The following REPS2 variants were observed in gnomAD, a reference collection of about 807,000 sequenced individuals.
The protein encoded by REPS2 is ralBP1-associated Eps domain-containing protein 2.
Under a neutral mutation model 53.6 loss-of-function variants are expected in REPS2, and 23 were observed. That is an observed-to-expected ratio of 0.43 (90% CI 0.31 to 0.61). REPS2 has a LOEUF of 0.61. Ranked by LOEUF, REPS2 falls within the 20% of genes least tolerant of loss-of-function variation. REPS2 has a pLI of 0.11. For synonymous variants in REPS2, 238 were observed against 218.6 expected (o/e 1.09, Z -0.78); for missense variants, 446 against 534.9 (o/e 0.83, Z 1.64).
At chrX:16,974,516 G>A (rs192988020) in intron 1 of REPS2, among the ~76,000 whole-genome samples, 9 of 110,195 alleles carry the variant, frequency 8.2e-5, no homozygotes, top group Non-Finnish European at 1.7e-4. Context: ...ATTAGCCATG[G>A]CACCTATAAT....
the REPS2 span, among the ~76,000 whole-genome samples, chrX:17,170,674 G>C: frequency 8.9e-6 from 1 of 112,208 alleles, no homozygotes; most frequent in South Asian, 3.7e-4. Context: ...CTTTGTGAGT[G>C]GACACAGGCC....
chrX:17,089,476 C>T (rs1470412081), intron 13 of REPS2, among the ~76,000 whole-genome samples: 2 of 111,651 alleles, frequency 1.8e-5, no homozygotes, highest in Non-Finnish European at 3.8e-5. Flanking sequence ...CAACTTTCAC[C>T]ATAATCCAGT....
At chrX:17,077,162 A>G (rs1193985150) in intron 12 of REPS2, 109 bp from the exon 13 acceptor site, 71 of 838,884 alleles carry the variant, frequency 8.5e-5, no homozygotes, top group Non-Finnish European at 1.2e-4. Flanking sequence ...TTGGTAGCTC[A>G]TCGGTTCTTT....
the REPS2 span, among the ~76,000 whole-genome samples, chrX:17,164,825 A>C: frequency 8.9e-6 from 1 of 112,243 alleles, no homozygotes; most frequent in South Asian, 3.7e-4. Flanking sequence ...AATGAAATAG[A>C]AAATATAAAA....
rs2063529894 is a variant in REPS2 at position 17,147,596 on chromosome X, G to A, written c.*115G>A. The A allele has an allele frequency of 3.8e-6, 2 of 532,072 alleles. No individual in the cohort carries two copies. Among genetic ancestry groups the A allele is most frequent in the Non-Finnish European group, 6.1e-6 (2 of 327,399 alleles). The allele number at this position is 532,072 out of a possible 1,213,427, so 43.8% of individuals were successfully genotyped here. A position where few individuals can be genotyped will look rare whatever the true frequency, so the allele number is the denominator to read the frequency against. ...TTGACTGTGTCAAAAGCTGTGAGCAGCAAAATATAATCCATATGACCTTTT... is the reference window on the plus strand; with the variant it reads ...TTGACTGTGTCAAAAGCTGTGAGCAACAAAATATAATCCATATGACCTTTT... On this transcript the variant is annotated 3_prime_UTR_variant, in exon 18 of 18. Coordinates refer to ENST00000357277, the MANE Select transcript of REPS2 (RefSeq NM_004726.3).
In REPS2 at chrX:17,068,382, T is replaced by G; in HGVS notation, c.1210-20T>G. On this transcript the variant is annotated intron_variant, in intron 9 of 17. Coordinates refer to ENST00000357277, the MANE Select transcript of REPS2 (RefSeq NM_004726.3). The stretch of plus-strand genomic sequence containing the variant: ...TTTCTGTTCCAACCAGTTTAATTCA[T>G]TTACTTTTCTTTTTCAAAGAAGACA... 8.6e-7 allele frequency: 1 copy of G among 1,167,002 alleles called. No homozygotes were observed. Among genetic ancestry groups the G allele is most frequent in the Non-Finnish European group, 1.2e-6 (1 of 858,451 alleles).
chrX:17,171,836 A>G, the REPS2 span, among the ~76,000 whole-genome samples: 1 of 111,445 alleles, frequency 9.0e-6, no homozygotes, highest in Non-Finnish European at 1.9e-5. Flanking sequence ...CATAATTATA[A>G]TTCTTATGTT....
chrX:16,964,729 G>T (rs1476087507), intron 1 of REPS2, among the ~76,000 whole-genome samples: 1 of 101,478 alleles, frequency 9.9e-6, no homozygotes, highest in African/African-American at 3.6e-5. Context: ...TCCCAGTAGG[G>T]GCGGCCGGGC....
chrX:17,159,800 C>T, the REPS2 span, among the ~76,000 whole-genome samples: 10 of 111,635 alleles, frequency 9.0e-5, no homozygotes, highest in African/African-American at 3.3e-4. Flanking sequence ...CACCACCAGC[C>T]CACTCTTGAT....
chrX:17,151,088 G>C lies in REPS2; in HGVS notation c.*3607G>C. 8.9e-6 allele frequency: 1 copy of C among 112,261 alleles called. No homozygotes were observed. Among genetic ancestry groups the C allele is most frequent in the Non-Finnish European group, 1.9e-5 (1 of 53,204 alleles). 9.3% of individuals were successfully genotyped at this position (112,261 alleles called of 1,213,427 possible). A position where few individuals can be genotyped will look rare whatever the true frequency, so the allele number is the denominator to read the frequency against. On this transcript the variant is annotated 3_prime_UTR_variant, in exon 18 of 18. Transcript: ENST00000357277. ...TTTCTTGGCAGAGTTTTTGACAGCT[G>C]TTGCTTTCAATGGATTCCATTCCTG...
At chrX:17,175,211 C>T in the REPS2 span, among the ~76,000 whole-genome samples, 2 of 111,925 alleles carry the variant, frequency 1.8e-5, no homozygotes, top group Non-Finnish European at 3.8e-5. Flanking sequence ...ATGGGGGAAA[C>T]GGTGGTGTAG....
chrX:17,131,781 T>C (rs1603102367), intron 14 of REPS2, among the ~76,000 whole-genome samples: 1 of 111,092 alleles, frequency 9.0e-6, no homozygotes, highest in African/African-American at 3.3e-5. Flanking sequence ...TTTGGGGACA[T>C]TCCTTGCCAA....
At position 17,082,835 on chromosome X, in the gene REPS2, C is replaced by T. The variant is rs190295043; in HGVS notation, c.1516+5428C>T. 2.7e-5 allele frequency among the ~76,000 whole-genome samples: 3 copies of T among 112,236 alleles called. No homozygotes were observed. The Admixed American group carries it at 2.8e-4, about 11-fold the overall frequency. On this transcript the variant is annotated intron_variant, in intron 13 of 17. Coordinates refer to ENST00000357277, the MANE Select transcript of REPS2 (RefSeq NM_004726.3). ...AGGACAGGACTGGGAAACAAGCTTA[C>T]TTTCTGTTGAATGCCTATTTGTATC...
intron 14 of REPS2, among the ~76,000 whole-genome samples, chrX:17,132,402 A>G (rs1418522458): frequency 8.9e-6 from 1 of 112,388 alleles, no homozygotes; most frequent in Non-Finnish European, 1.9e-5. Flanking sequence ...TCTCCACACC[A>G]CAAGGCCTTT....
At chrX:17,089,713 AT>A (rs887172813) in intron 13 of REPS2, among the ~76,000 whole-genome samples, 2 of 112,364 alleles carry the variant, frequency 1.8e-5, no homozygotes, top group African/African-American at 6.5e-5. Context: ...TCAGTACTTA[AT>A]TCCTTTTTAT....
chrX:17,158,826 G>A, the REPS2 span, among the ~76,000 whole-genome samples: 4 of 111,894 alleles, frequency 3.6e-5, no homozygotes, highest in Non-Finnish European at 5.6e-5. Flanking sequence ...TTGGGCCCAC[G>A]CATTGCCTGT....
At chrX:17,050,393 G>A (rs1351185193) in intron 6 of REPS2, among the ~76,000 whole-genome samples, 1 of 105,127 alleles carries the variant, frequency 9.5e-6, no homozygotes, top group African/African-American at 3.5e-5. Flanking sequence ...TCACTATGTT[G>A]CCCAGGCTGT....
chrX:17,036,972 G>A (rs2061773711), intron 5 of REPS2, among the ~76,000 whole-genome samples: 1 of 110,276 alleles, frequency 9.1e-6, no homozygotes, highest in African/African-American at 3.3e-5. Context: ...ACCCCAGCTG[G>A]ACGTTTATAC....
intron 1 of REPS2, among the ~76,000 whole-genome samples, chrX:17,004,994 C>T (rs1031065448): frequency 6.3e-5 from 7 of 111,158 alleles, no homozygotes; most frequent in Non-Finnish European, 1.1e-4. Flanking sequence ...CCATTGTGCC[C>T]GGCCTACAAT....
Sources: gnomAD v4.1 joint callset for allele counts (sites outside exome capture counted in the v4.1 genomes callset) on GRCh38, gnomAD v4.1.1 for gene constraint, MANE v1.5 for transcripts, NCBI Gene and HGNC (gene_info 2026-07-23, HGNC 2026-07-21) for gene names.